The following DTL variants were observed in gnomAD, a reference collection of about 807,000 sequenced individuals.
The protein encoded by DTL is denticleless protein homolog.
In DTL, 46 loss-of-function variants were observed where a neutral mutation model predicts 87.0. That is an observed-to-expected ratio of 0.53 (90% CI 0.42 to 0.68). The LOEUF (loss-of-function observed/expected upper bound fraction) is 0.68, where lower values mean the gene tolerates loss of function less well. DTL is among the 30% of genes least tolerant of loss of function. The pLI is 0.00. For synonymous variants in DTL, 308 were observed against 311.2 expected (o/e 0.99, Z 0.11); for missense variants, 737 against 869.4 (o/e 0.85, Z 1.91).
chr1:212,072,207 A>G lies in DTL; in HGVS notation c.1029A>G (p.Ile343Met), dbSNP rs1300225167. The change falls in exon 11 of 15, where the codon ATA becomes ATG. Residue 343 changes from isoleucine to methionine, a missense_variant. Coordinates refer to ENST00000366991, the MANE Select transcript of DTL (RefSeq NM_016448.4). Reference sequence around the variant, plus strand: ...GCTCAAGTGATGAAGCTGCCTACATATGGAAGGTAAGTTGCTAAACTTCAC... The same window carrying G: ...GCTCAAGTGATGAAGCTGCCTACATGTGGAAGGTAAGTTGCTAAACTTCAC... ...VSGSSDEAAY[I>M]WKVSTPWQPP... 2 of 1,611,994 alleles carry G rather than the reference A, an allele frequency of 1.2e-6. No individual in the cohort carries two copies. Among genetic ancestry groups the G allele is most frequent in the East Asian group, 2.2e-5 (1 of 44,858 alleles).
chr1:212,068,129 G>A, intron 8 of DTL, 95 bp from the exon 9 acceptor site: 1 of 718,866 alleles, frequency 1.4e-6, no homozygotes, highest in Non-Finnish European at 2.3e-6. Context: ...ATGTGCCAGA[G>A]GAGTTAGATT....
intron 11 of DTL, 95 bp from the exon 12 acceptor site, chr1:212,078,078 C>A: frequency 1.4e-6 from 1 of 705,426 alleles, no homozygotes; most frequent in Non-Finnish European, 2.4e-6. Context: ...TGGTAACAAT[C>A]CTAAAGCTCT....
chr1:212,047,453 C>T (rs747777106), intron 5 of DTL, 36 bp downstream of exon 5: 1 of 1,612,244 alleles, frequency 6.2e-7, no homozygotes, highest in South Asian at 1.1e-5. Flanking sequence ...TCTCCTTAAC[C>T]TTCTTTGCAG....
chr1:212,035,878 TC>T lies in DTL; in HGVS notation c.-11del. 6.2e-7 allele frequency: 1 copy of T among 1,614,106 alleles called. No homozygotes were observed. Among genetic ancestry groups the T allele is most frequent in the South Asian group, 1.1e-5 (1 of 91,082 alleles). The stretch of plus-strand genomic sequence containing the variant: ...CGACTTTTCTCTCAGCTGAGGCTTT[TC>T]CTCCGACCCTGATGCTCTTCAATTC... On this transcript the variant is annotated 5_prime_UTR_variant, in exon 1 of 15. Coordinates refer to ENST00000366991, the MANE Select transcript of DTL (RefSeq NM_016448.4).
At chr1:212,080,902 C>G (rs12755278) in intron 13 of DTL, 152 bp downstream of exon 13, 62,694 of 807,386 alleles carry the variant, frequency 0.078, 2,929 homozygotes, top group Admixed American at 0.15. Context: ...AAGTATTTCC[C>G]AAGCACTACT....
intron 14 of DTL, 77 bp downstream of exon 14, chr1:212,101,161 C>CTTT (rs11422325): frequency 4.9e-4 from 339 of 688,428 alleles, no homozygotes; most frequent in South Asian, 1.3e-3. Flanking sequence ...AGTCAGGATG[C>CTTT]TTTTTTTTTT....
intron 1 of DTL, among the ~76,000 whole-genome samples, chr1:212,041,700 C>T (rs1001237222): frequency 2.7e-4 from 41 of 151,916 alleles, no homozygotes; most frequent in African/African-American, 9.7e-4. Flanking sequence ...TTAGTAGAGA[C>T]GGGGTTTCAC....
At chr1:212,093,655 G>A (rs1453019955) in intron 13 of DTL, among the ~76,000 whole-genome samples, 1 of 152,212 alleles carries the variant, frequency 6.6e-6, no homozygotes, top group East Asian at 1.9e-4. Flanking sequence ...TCTTCTGCCA[G>A]CGTGCTTCTC....
At chr1:212,101,937 G>A (rs1282427901) in intron 14 of DTL, among the ~76,000 whole-genome samples, 2 of 152,172 alleles carry the variant, frequency 1.3e-5, no homozygotes, top group African/African-American at 4.8e-5. Context: ...GTGAAGGGGA[G>A]ATGGGTTAAG....
At chr1:212,035,968 C>G (rs374285656) in intron 1 of DTL, 26 bp downstream of exon 1, 1 of 1,611,844 alleles carries the variant, frequency 6.2e-7, no homozygotes, top group South Asian at 1.1e-5. Flanking sequence ...AACCGCTGCT[C>G]GGAGCTGGCG....
At chr1:212,059,792 A>AAAAAAAAAAAAC (rs1558077106) in intron 5 of DTL, among the ~76,000 whole-genome samples, 3 of 148,838 alleles carry the variant, frequency 2.0e-5, no homozygotes, top group South Asian at 2.1e-4. Flanking sequence ...AAAAAAAAAA[A>AAAAAAAAAAAAC]AAAAAAAAAA....
At chr1:212,096,516 G>A (rs1655456216) in intron 13 of DTL, among the ~76,000 whole-genome samples, 3 of 152,138 alleles carry the variant, frequency 2.0e-5, no homozygotes, top group African/African-American at 7.2e-5. Context: ...TTAATGCTGT[G>A]AACTTTCCTC....
At chr1:212,060,663 A>G (rs1654250452) in intron 5 of DTL, among the ~76,000 whole-genome samples, 1 of 151,074 alleles carries the variant, frequency 6.6e-6, no homozygotes, top group Admixed American at 6.6e-5. Flanking sequence ...TGAGCACAGG[A>G]GGCAGAAATT....
Position 212,100,304 on chromosome 1 carries a change from C to T in DTL, c.1314C>T (p.Cys438=). 1 of 1,608,370 alleles carries T rather than the reference C, an allele frequency of 6.2e-7. No individual in the cohort carries two copies. Among genetic ancestry groups the T allele is most frequent in the South Asian group, 1.1e-5 (1 of 89,928 alleles). Residue 438 remains cysteine (C), a synonymous_variant, in exon 14 of 15, where the codon TGC becomes TGT. Coordinates refer to ENST00000366991, the MANE Select transcript of DTL (RefSeq NM_016448.4). ...CTGCCAAAGCCCCCAGGGCAAAGTG[C>T]AATCCATCCAATTCTTCCCCGTCAT... ...STPAKAPRAK[C]NPSNSSPSSA...
Position 212,071,173 on chromosome 1 carries a change from A to T in DTL, c.923-928A>T, listed in dbSNP as rs114810239. On this transcript the variant is annotated intron_variant, in intron 10 of 14. Transcript: ENST00000366991. The stretch of plus-strand genomic sequence containing the variant: ...AAATACAAAGTTCTTTTCCAGCTTT[A>T]TTCTAGAAAATGGAAGAGATTCCTG... Among the ~76,000 whole-genome samples the T allele has an allele frequency of 5.7e-3, 869 of 152,292 alleles. 6 individuals carry two copies. Among genetic ancestry groups the T allele is most frequent in the African/African-American group, 0.019 (804 of 41,558 alleles).
intron 11 of DTL, 23 bp from the exon 12 acceptor site, chr1:212,078,150 T>G: frequency 7.0e-7 from 1 of 1,435,280 alleles, no homozygotes; most frequent in East Asian, 2.3e-5. Context: ...CTTTGCTGAC[T>G]TGTTTGTTTT....
intron 2 of DTL, 66 bp downstream of exon 2, chr1:212,043,184 T>C (rs1571938699): frequency 7.0e-7 from 1 of 1,434,570 alleles, no homozygotes; most frequent in East Asian, 2.4e-5. Flanking sequence ...ATAGGGAAAA[T>C]ATACTAGAGT....
intron 5 of DTL, among the ~76,000 whole-genome samples, chr1:212,052,333 A>G (rs965214170): frequency 2.6e-5 from 4 of 151,944 alleles, no homozygotes; most frequent in African/African-American, 9.7e-5. Context: ...TTTTTCTATC[A>G]TTTCTTGAAA....
intron 5 of DTL, among the ~76,000 whole-genome samples, chr1:212,048,811 TAA>T (rs528410747): frequency 5.6e-5 from 8 of 142,174 alleles, no homozygotes; most frequent in Admixed American, 7.0e-5. Context: ...CCTTTATCAC[TAA>T]AAAAAAAAAA....
Sources: gnomAD v4.1 joint callset for allele counts (sites outside exome capture counted in the v4.1 genomes callset) on GRCh38, gnomAD v4.1.1 for gene constraint, MANE v1.5 for transcripts, NCBI Gene and HGNC (gene_info 2026-07-23, HGNC 2026-07-21) for gene names.